Variants in CDH12 observed in about 807,000 individuals in gnomAD.
CDH12 encodes cadherin 12, also known as cadherin-12.
Under a neutral mutation model 74.1 loss-of-function variants are expected in CDH12, and 41 were observed. The observed-to-expected ratio is 0.55, with a 90% CI of 0.43 to 0.72. CDH12 has a LOEUF of 0.72. Ranked by LOEUF, CDH12 falls within the 30% of genes least tolerant of loss-of-function variation. The pLI, the probability that CDH12 is intolerant of heterozygous loss-of-function variation, is 0.00. For missense variants in CDH12, 945 were observed against 977.2 expected, an observed-to-expected ratio of 0.97 and a Z score of 0.44; for synonymous variants, 399 against 355.0, an observed-to-expected ratio of 1.12 and a Z score of -1.39.
At chr5:21,846,190 C>A (rs1750157121) in intron 7 of CDH12, among the ~76,000 whole-genome samples, 1 of 152,140 alleles carries the variant, frequency 6.6e-6, no homozygotes, top group Admixed American at 6.6e-5. Flanking sequence ...GCACCTTATG[C>A]AAACAGTACA....
At chr5:22,190,566 T>G (rs200843632) in intron 4 of CDH12, among the ~76,000 whole-genome samples, 2 of 152,282 alleles carry the variant, frequency 1.3e-5, no homozygotes, top group East Asian at 3.9e-4. Flanking sequence ...CCCTCTCCCT[T>G]CTCTTGTCTA....
intron 1 of CDH12, among the ~76,000 whole-genome samples, chr5:22,605,840 G>A (rs1316764435): frequency 6.6e-6 from 1 of 152,190 alleles, no homozygotes; most frequent in Non-Finnish European, 1.5e-5. Context: ...GGAAGCAAAG[G>A]AGCCAGCCCA....
At chr5:22,754,552 A>G (rs544797916) in intron 1 of CDH12, among the ~76,000 whole-genome samples, 10 of 126,526 alleles carry the variant, frequency 7.9e-5, no homozygotes, top group South Asian at 6.2e-4. Flanking sequence ...GAGAGAGGGA[A>G]GGAAGTGGAA....
rs145372832 is a variant in CDH12 at position 22,684,550 on chromosome 5, A to G, written c.-523+168508T>C. ...CGTATGCCATTACCAGCTAAATAAC[A>G]TAATTCCAGGTAAAGCATAAAAGAT... On this transcript the variant is annotated intron_variant, in intron 1 of 14. Coordinates refer to ENST00000382254, the MANE Select transcript of CDH12 (RefSeq NM_004061.5). 2.9e-4 allele frequency among the ~76,000 whole-genome samples: 44 copies of G among 152,340 alleles called. 1 individual carries two copies. Among genetic ancestry groups the G allele is most frequent in the African/African-American group, 1.0e-3 (42 of 41,580 alleles).
chr5:22,704,809 C>G (rs1205697725), intron 1 of CDH12, among the ~76,000 whole-genome samples: 1 of 151,890 alleles, frequency 6.6e-6, no homozygotes, highest in African/African-American at 2.4e-5. Context: ...GTGGCTTTCA[C>G]TTTTTGGAAA....
At chr5:22,657,809 A>G (rs1224010244) in intron 1 of CDH12, among the ~76,000 whole-genome samples, 1 of 152,224 alleles carries the variant, frequency 6.6e-6, no homozygotes, top group Admixed American at 6.5e-5. Context: ...CAATTGAAGT[A>G]AAAGAAAGTA....
At chr5:22,638,383 GA>G (rs2126866605) in intron 1 of CDH12, among the ~76,000 whole-genome samples, 1 of 151,916 alleles carries the variant, frequency 6.6e-6, no homozygotes, top group African/African-American at 2.4e-5. Flanking sequence ...TCCGAAAGCT[GA>G]AAAACTTGGA....
intron 6 of CDH12, among the ~76,000 whole-genome samples, chr5:21,898,626 T>C (rs1002787592): frequency 1.3e-4 from 19 of 151,892 alleles, no homozygotes; most frequent in Non-Finnish European, 2.2e-4. Context: ...GGCGTGAACT[T>C]GGGAGGCTGA....
At chr5:21,836,427 T>A (rs1486624304) in intron 8 of CDH12, among the ~76,000 whole-genome samples, 2 of 150,390 alleles carry the variant, frequency 1.3e-5, no homozygotes, top group Non-Finnish European at 3.0e-5. Context: ...ACCATACAAT[T>A]ATCTTATCTA....
intron 6 of CDH12, among the ~76,000 whole-genome samples, chr5:21,943,372 T>G (rs572899820): frequency 6.6e-6 from 1 of 152,346 alleles, no homozygotes; most frequent in Admixed American, 6.5e-5. Context: ...TCTCAAAATT[T>G]TATGCAACCA....
At chr5:22,702,302 G>GTT (rs1402615018) in intron 1 of CDH12, among the ~76,000 whole-genome samples, 1 of 152,102 alleles carries the variant, frequency 6.6e-6, no homozygotes, top group Non-Finnish European at 1.5e-5. Context: ...TAAGGGGTGT[G>GTT]TTTAGAAAGT....
At position 22,622,647 on chromosome 5, in the gene CDH12, C is replaced by T. The variant is rs1306723086; in HGVS notation, c.-522-117283G>A. Among the ~76,000 whole-genome samples the T allele has an allele frequency of 3.9e-5, 6 of 151,938 alleles. No individual in the cohort carries two copies. In the East Asian group the frequency reaches 9.7e-4, roughly 24 times the overall value. ...GAAGAAGTTGAATCCCTGAATAGAC[C>T]AATAACAGGCTCTGAAATTGAGGCA... On this transcript the variant is annotated intron_variant, in intron 1 of 14. Transcript: ENST00000382254.
At position 22,761,376 on chromosome 5, in the gene CDH12, A is replaced by G. The variant is rs147734267; in HGVS notation, c.-523+91682T>C. Among the ~76,000 whole-genome samples the G allele has an allele frequency of 4.7e-3, 713 of 152,328 alleles. 6 individuals carry two copies. Among genetic ancestry groups the G allele is most frequent in the Non-Finnish European group, 7.0e-3 (479 of 68,026 alleles). On this transcript the variant is annotated intron_variant, in intron 1 of 14. Transcript: ENST00000382254. Reference sequence around the variant, plus strand: ...CAACTCATTCTTATTTCGGCTAAGAACGGAAAATGCCTGGAGAAGGGAAAC... The same window carrying G: ...CAACTCATTCTTATTTCGGCTAAGAGCGGAAAATGCCTGGAGAAGGGAAAC...
chr5:22,334,687 A>G (rs1739499360), intron 3 of CDH12, among the ~76,000 whole-genome samples: 1 of 152,206 alleles, frequency 6.6e-6, no homozygotes, highest in Non-Finnish European at 1.5e-5. Context: ...GAACCCAGAA[A>G]TAAATCCACA....
At chr5:22,517,044 A>T (rs959994798) in intron 1 of CDH12, among the ~76,000 whole-genome samples, 3 of 152,002 alleles carry the variant, frequency 2.0e-5, no homozygotes, top group South Asian at 4.1e-4. Context: ...AAAATTTTTT[A>T]AAAAATAGCT....
At chr5:22,367,262 T>G (rs1055368834) in intron 3 of CDH12, among the ~76,000 whole-genome samples, 5 of 152,168 alleles carry the variant, frequency 3.3e-5, no homozygotes, top group African/African-American at 9.6e-5. Context: ...TGTCCTTCCT[T>G]ACAGCAATTT....
At chr5:21,988,067 T>C (rs1458452186) in intron 5 of CDH12, among the ~76,000 whole-genome samples, 1 of 152,098 alleles carries the variant, frequency 6.6e-6, no homozygotes, top group Non-Finnish European at 1.5e-5. Flanking sequence ...TATTAGTAAC[T>C]GCAAAGGTAA....
Position 21,765,311 on chromosome 5 carries a change from T to C in CDH12, c.1394-212A>G, listed in dbSNP as rs113278489. On this transcript the variant is annotated intron_variant, in intron 11 of 14. Coordinates refer to ENST00000382254, the MANE Select transcript of CDH12 (RefSeq NM_004061.5). ...TACCAAAGTAAGGCCAACTATTTAATTGATATTTTAGCATAAGTGTAGCCC... is the reference window on the plus strand; with the variant it reads ...TACCAAAGTAAGGCCAACTATTTAACTGATATTTTAGCATAAGTGTAGCCC... Among the ~76,000 whole-genome samples the C allele has an allele frequency of 9.2e-5, 14 of 152,128 alleles. No individual in the cohort carries two copies. The East Asian group carries it at 1.3e-3, about 15-fold the overall frequency.
At chr5:21,886,620 G>C (rs115710193) in intron 6 of CDH12, among the ~76,000 whole-genome samples, 3,092 of 148,448 alleles carry the variant, frequency 0.021, 72 homozygotes, top group African/African-American at 0.058. Context: ...TTGAGGTTTT[G>C]TTCTATTTCT....
Sources: gnomAD v4.1 joint callset for allele counts (sites outside exome capture counted in the v4.1 genomes callset) on GRCh38, gnomAD v4.1.1 for gene constraint, MANE v1.5 for transcripts, NCBI Gene and HGNC (gene_info 2026-07-23, HGNC 2026-07-21) for gene names.